ACVR1B: variants seen among roughly 807,000 people sequenced by gnomAD.
The protein encoded by ACVR1B is activin receptor type-1B.
ACVR1B carries 15 observed loss-of-function variants against 55.6 expected under a neutral mutation model. The ratio of observed to expected loss-of-function variants is 0.27; its 90% CI spans 0.18 to 0.42. ACVR1B has a LOEUF of 0.42. Ranked by LOEUF, ACVR1B falls within the 10% of genes least tolerant of loss-of-function variation. The pLI, the probability that ACVR1B is intolerant of heterozygous loss-of-function variation, is 1.00. For synonymous variants in ACVR1B, 247 were observed against 254.6 expected (o/e 0.97, Z 0.28); for missense variants, 359 against 670.1 (o/e 0.54, Z 5.13).
At chr12:51,991,835 C>T (rs2120757889) in intron 7 of ACVR1B, 28 bp from the exon 8 acceptor site, 1 of 1,606,210 alleles carries the variant, frequency 6.2e-7, no homozygotes, top group Non-Finnish European at 8.5e-7. Context: ...CTGTTGATAA[C>T]TCAGGTAGAT....
chr12:51,975,941 C>G (rs1941842256), intron 2 of ACVR1B, among the ~76,000 whole-genome samples: 1 of 152,202 alleles, frequency 6.6e-6, no homozygotes, highest in Admixed American at 6.5e-5. Flanking sequence ...CATCCTTTTG[C>G]AAGCCTACCA....
chr12:51,955,617 T>C (rs1017815048), intron 1 of ACVR1B, among the ~76,000 whole-genome samples: 2 of 152,262 alleles, frequency 1.3e-5, no homozygotes, highest in East Asian at 3.8e-4. Context: ...CTCTATTGTT[T>C]ACTGTTCAAT....
At chr12:51,978,427 A>G (rs1184708804) in intron 3 of ACVR1B, among the ~76,000 whole-genome samples, 2 of 152,338 alleles carry the variant, frequency 1.3e-5, no homozygotes, top group African/African-American at 4.8e-5. Context: ...GGTTTCTAAT[A>G]ATGTGGTTTT....
At chr12:51,976,748 T>C (rs1216084617) in intron 3 of ACVR1B, among the ~76,000 whole-genome samples, 173 bp downstream of exon 3, 44 of 152,192 alleles carry the variant, frequency 2.9e-4, no homozygotes, top group Admixed American at 2.9e-3. Context: ...GATAAGATAA[T>C]GGGTTCACAG....
rs186482528 is a variant in ACVR1B at position 51,971,475 on chromosome 12, T to C, written c.92-3790T>C. Among the ~76,000 whole-genome samples, 135 of 152,354 alleles carry C rather than the reference T, an allele frequency of 8.9e-4. 1 individual carries two copies. In the East Asian group the frequency reaches 0.022, roughly 25 times the overall value. ...TTTCTACTACGTAATTCTTCCGCCT[T>C]GGAATAAGGAGAGTTTTAGGTATGT... On this transcript the variant is annotated intron_variant, in intron 1 of 8. Transcript: ENST00000257963.
chr12:51,951,732 G>T lies in ACVR1B; in HGVS notation c.-12G>T. ...CTGGGCTGCGGCGGCGGCGGCGGCGGCGGTGGTTACTATGGCGGAGTCGGC... is the reference window on the plus strand; with the variant it reads ...CTGGGCTGCGGCGGCGGCGGCGGCGTCGGTGGTTACTATGGCGGAGTCGGC... On this transcript the variant is annotated 5_prime_UTR_variant, in exon 1 of 9. Transcript: ENST00000257963. 8.1e-7 allele frequency: 1 copy of T among 1,235,816 alleles called. No individual in the cohort carries two copies. Among genetic ancestry groups the T allele is most frequent in the Non-Finnish European group, 1.0e-6 (1 of 978,554 alleles). The allele number at this position is 1,235,816 out of a possible 1,614,324, so 76.6% of individuals were successfully genotyped here.
rs1592246644 is a variant in ACVR1B, at chr12:51,966,253, A to G, written c.92-9012A>G. Among the ~76,000 whole-genome samples the G allele has an allele frequency of 3.9e-5, 6 of 152,314 alleles. No individual in the cohort carries two copies. The South Asian group carries it at 1.0e-3, about 26-fold the overall frequency. ...TATAGAAAATACAGAGGAGAGAGGA[A>G]CATGTTAAATGACACCTTGGAGAGT... On this transcript the variant is annotated intron_variant, in intron 1 of 8. Transcript: ENST00000257963.
rs1164910825 is a variant in ACVR1B, at chr12:51,994,266, C to T, written c.*156C>T. The T allele has an allele frequency of 2.9e-6, 3 of 1,044,254 alleles. No individual in the cohort carries two copies. Among genetic ancestry groups the T allele is most frequent in the Non-Finnish European group, 4.1e-6 (3 of 729,240 alleles). 64.7% of individuals were successfully genotyped at this position (1,044,254 alleles called of 1,614,324 possible). ...GGACAGAGCCCGGGAGAGACTCGCT[C>T]ACTCCCATGTTGGGTTTGAGACAGA... On this transcript the variant is annotated 3_prime_UTR_variant, in exon 9 of 9. Coordinates refer to ENST00000257963, the MANE Select transcript of ACVR1B (RefSeq NM_004302.5). The surrounding 1 kb of genome is among the most constrained non-coding windows in gnomAD (Gnocchi z 4.2).
chr12:51,954,549 G>T (rs571040367), intron 1 of ACVR1B, among the ~76,000 whole-genome samples: 4 of 152,324 alleles, frequency 2.6e-5, no homozygotes, highest in Admixed American at 6.5e-5. Flanking sequence ...GTCTTGTAGA[G>T]ACCTCTGATT....
chr12:51,981,831 A>G (rs1340228931), intron 4 of ACVR1B, among the ~76,000 whole-genome samples: 2 of 150,516 alleles, frequency 1.3e-5, no homozygotes, highest in African/African-American at 5.0e-5. Context: ...CCTGGGCGAC[A>G]GAGCGAGACT....
At chr12:51,955,177 A>G (rs1941384422) in intron 1 of ACVR1B, among the ~76,000 whole-genome samples, 1 of 152,236 alleles carries the variant, frequency 6.6e-6, no homozygotes, top group Non-Finnish European at 1.5e-5. Context: ...AGAAGTGGCC[A>G]GAATGGTGAC....
chr12:51,964,116 T>G lies in ACVR1B; in HGVS notation c.92-11149T>G, dbSNP rs190952454. Among the ~76,000 whole-genome samples, 437 of 152,346 alleles carry G rather than the reference T, an allele frequency of 2.9e-3. 2 individuals carry two copies. The highest frequency in any genetic ancestry group is 3.8e-3 in the Non-Finnish European group (260 of 68,028). ...ATCTTCGGAGAAATGTCTGTTCAGG[T>G]CTTTTTCCAGTTTTGTTGGTTTTTT... On this transcript the variant is annotated intron_variant, in intron 1 of 8. Coordinates refer to ENST00000257963, the MANE Select transcript of ACVR1B (RefSeq NM_004302.5).
At chr12:51,982,767 A>G in intron 4 of ACVR1B, 4 of 1,533,098 alleles carry the variant, frequency 2.6e-6, no homozygotes, top group Non-Finnish European at 3.5e-6. Flanking sequence ...AGACTCCAAT[A>G]CAAGGGAGGA....
At chr12:51,985,163 G>T (rs1384171816) in intron 5 of ACVR1B, 29 bp from the exon 6 acceptor site, 1 of 1,590,982 alleles carries the variant, frequency 6.3e-7, no homozygotes, top group Admixed American at 1.7e-5. Flanking sequence ...TCATCTCTTT[G>T]TAAAGATCCC....
At chr12:51,979,784 A>G (rs140410792) in intron 3 of ACVR1B, among the ~76,000 whole-genome samples, 1 of 152,090 alleles carries the variant, frequency 6.6e-6, no homozygotes, top group Non-Finnish European at 1.5e-5. Context: ...GAATTCTGGC[A>G]GTGGTGTGGA....
chr12:51,958,757 C>T (rs1031890819), intron 1 of ACVR1B, among the ~76,000 whole-genome samples: 1 of 152,208 alleles, frequency 6.6e-6, no homozygotes, highest in Non-Finnish European at 1.5e-5. Flanking sequence ...AGGTTTCCCA[C>T]TCCTATGAGA....
chr12:51,970,757 G>A (rs1941731588), intron 1 of ACVR1B, among the ~76,000 whole-genome samples: 1 of 152,164 alleles, frequency 6.6e-6, no homozygotes, highest in South Asian at 2.1e-4. Context: ...AAGAGTAAGG[G>A]CAGAACTAGA....
intron 1 of ACVR1B, among the ~76,000 whole-genome samples, chr12:51,966,235 A>G (rs998156102): frequency 2.9e-4 from 44 of 152,300 alleles, no homozygotes; most frequent in African/African-American, 1.0e-3. Flanking sequence ...GCTTATAGAA[A>G]ATACAGAGGA....
At chr12:51,982,885 T>C (rs1398222898) in intron 4 of ACVR1B, 1 of 1,361,150 alleles carries the variant, frequency 7.3e-7, no homozygotes, top group Non-Finnish European at 9.5e-7. Context: ...TCAAATCATG[T>C]CTTCTCTTTG....
Sources: allele counts gnomAD v4.1 joint callset (sites outside exome capture counted in the v4.1 genomes callset), GRCh38; gene constraint gnomAD v4.1.1; non-coding constraint Gnocchi (gnomAD v3.1); transcripts MANE v1.5; gene names NCBI Gene and HGNC (gene_info 2026-07-23, HGNC 2026-07-21).